The following RHOBTB3 variants were observed in gnomAD, a reference collection of about 807,000 sequenced individuals.
RHOBTB3 encodes the protein rho-related BTB domain-containing protein 3.
Under a neutral mutation model 67.2 loss-of-function variants are expected in RHOBTB3, and 47 were observed. That is an observed-to-expected ratio of 0.70 (90% confidence interval 0.55 to 0.89). RHOBTB3 has a LOEUF of 0.89. Among genes scored for constraint, RHOBTB3 ranks in the 40% least tolerant of loss-of-function variants. The pLI, the probability that RHOBTB3 is intolerant of heterozygous loss-of-function variation, is 0.00. For synonymous variants in RHOBTB3, 273 were observed against 274.2 expected (o/e 1.00, Z 0.04); for missense variants, 631 against 750.0 (o/e 0.84, Z 1.85).
intron 8 of RHOBTB3, among the ~76,000 whole-genome samples, chr5:95,770,977 G>A (rs564679528): frequency 6.6e-6 from 1 of 152,062 alleles, no homozygotes; most frequent in Admixed American, 6.5e-5. Flanking sequence ...GGGTGAAAGA[G>A]CCACGTACCC....
At chr5:95,725,268 AATG>A (rs1246044767) in intron 1 of RHOBTB3, among the ~76,000 whole-genome samples, 3 of 152,250 alleles carry the variant, frequency 2.0e-5, no homozygotes, top group Non-Finnish European at 4.4e-5. Context: ...GAATCTTACA[AATG>A]ATGATGAATA....
chr5:95,755,295 T>C (rs965893021), intron 5 of RHOBTB3, 101 bp from the exon 6 acceptor site: 5 of 863,066 alleles, frequency 5.8e-6, no homozygotes, highest in Non-Finnish European at 7.8e-6. Context: ...AACCTAATAA[T>C]ATTTTAAAAT....
At chr5:95,729,286 C>A (rs1213181984), upstream of RHOBTB3, among the ~76,000 whole-genome samples, 2 of 152,086 alleles carry the variant, frequency 1.3e-5, no homozygotes, top group Non-Finnish European at 2.9e-5. Flanking sequence ...TAACAAATTG[C>A]TTTAGCTTCT....
chr5:95,749,743 A>G (rs1435848097), intron 4 of RHOBTB3, among the ~76,000 whole-genome samples: 1 of 152,230 alleles, frequency 6.6e-6, no homozygotes, highest in Non-Finnish European at 1.5e-5. Flanking sequence ...TTCATTTGTC[A>G]GATAGTTTTA....
At chr5:95,779,742 C>T (rs150285555) in intron 8 of RHOBTB3, among the ~76,000 whole-genome samples, 1 of 152,174 alleles carries the variant, frequency 6.6e-6, no homozygotes, top group African/African-American at 2.4e-5. Flanking sequence ...CTTGGCTCCA[C>T]AAGAGATCCT....
chr5:95,753,850 C>G (rs767855001), intron 5 of RHOBTB3, among the ~76,000 whole-genome samples: 37 of 152,268 alleles, frequency 2.4e-4, no homozygotes, highest in Non-Finnish European at 3.8e-4. Flanking sequence ...TGGCTCATGC[C>G]TATAATTCCA....
chr5:95,725,289 C>T (rs1333420353), intron 1 of RHOBTB3, among the ~76,000 whole-genome samples: 1 of 152,226 alleles, frequency 6.6e-6, no homozygotes, highest in East Asian at 1.9e-4. Context: ...ATAAAAGAAT[C>T]AAGGCACAAA....
intron 6 of RHOBTB3, among the ~76,000 whole-genome samples, chr5:95,761,899 G>C (rs1021260450): frequency 1.3e-5 from 2 of 152,134 alleles, no homozygotes; most frequent in Non-Finnish European, 1.5e-5. Context: ...ACAATCCCAA[G>C]AATTTATGAG....
chr5:95,751,547 A>G (rs972471393), intron 4 of RHOBTB3: 2 of 151,920 alleles, frequency 1.3e-5, no homozygotes, highest in Non-Finnish European at 2.9e-5. Flanking sequence ...TGAAAAAAAA[A>G]CTTTTATTTT....
chr5:95,770,996 C>A (rs1449761036), intron 8 of RHOBTB3, among the ~76,000 whole-genome samples: 1 of 151,916 alleles, frequency 6.6e-6, no homozygotes, highest in African/African-American at 2.4e-5. Flanking sequence ...CCATGTACTG[C>A]TTTAAGCTTA....
At chr5:95,718,396 A>G (rs1475628342) in intron 1 of RHOBTB3, among the ~76,000 whole-genome samples, 1 of 152,224 alleles carries the variant, frequency 6.6e-6, no homozygotes, top group African/African-American at 2.4e-5. Context: ...TTGAATTTTG[A>G]CTGGAGGAAA....
At chr5:95,778,882 T>C (rs1286966077) in intron 8 of RHOBTB3, among the ~76,000 whole-genome samples, 5 of 152,058 alleles carry the variant, frequency 3.3e-5, no homozygotes, top group Admixed American at 1.3e-4. Flanking sequence ...AGGTGAGTGT[T>C]GACTGGGTGG....
chr5:95,747,153 G>A (rs565000837), intron 3 of RHOBTB3, among the ~76,000 whole-genome samples: 1 of 152,108 alleles, frequency 6.6e-6, no homozygotes, highest in East Asian at 1.9e-4. Context: ...TGCTCCAGGG[G>A]CTCAGCCCTT....
intron 3 of RHOBTB3, among the ~76,000 whole-genome samples, chr5:95,743,221 ACTT>A (rs1755650249): frequency 6.6e-6 from 1 of 152,176 alleles, no homozygotes; most frequent in Non-Finnish European, 1.5e-5. Flanking sequence ...TGGTATGGAT[ACTT>A]CTTAAACATT....
rs1746557073 is a variant in RHOBTB3, at chr5:95,796,288, A to T, written c.*3114A>T. 1.3e-5 allele frequency: 2 copies of T among 152,254 alleles called. No homozygotes were observed. Among genetic ancestry groups the T allele is most frequent in the South Asian group, 4.1e-4 (2 of 4,832 alleles). The allele number at this position is 152,254 out of a possible 1,614,324, so 9.4% of individuals were successfully genotyped here. A position where few individuals can be genotyped will look rare whatever the true frequency, so the allele number is the denominator to read the frequency against. ...GAAGGGTATGTGTGTATTTTAATAT[A>T]GCCTGACCTGAATTTATATGTTTTT... On this transcript the variant is annotated 3_prime_UTR_variant, in exon 12 of 12. Coordinates refer to ENST00000379982, the MANE Select transcript of RHOBTB3 (RefSeq NM_014899.4).
chr5:95,719,611 A>G (rs953186764), intron 1 of RHOBTB3: 4 of 152,212 alleles, frequency 2.6e-5, no homozygotes, highest in African/African-American at 9.6e-5. Flanking sequence ...ATAGTAAAAA[A>G]CATATATACA....
At chr5:95,792,365 C>T (rs1447845645) in intron 11 of RHOBTB3, among the ~76,000 whole-genome samples, 3 of 134,072 alleles carry the variant, frequency 2.2e-5, no homozygotes, top group East Asian at 2.1e-4. Context: ...CCAGCCTGGG[C>T]GACAGAGCAA....
At chr5:95,748,757 T>C (rs542728056) in intron 4 of RHOBTB3, among the ~76,000 whole-genome samples, 55 of 152,358 alleles carry the variant, frequency 3.6e-4, no homozygotes, top group African/African-American at 1.3e-3. Context: ...ATCAAAAGCA[T>C]GTTTACTTAA....
At chr5:95,728,032 G>A (rs1755108013), upstream of RHOBTB3, among the ~76,000 whole-genome samples, 1 of 152,224 alleles carries the variant, frequency 6.6e-6, no homozygotes, top group Non-Finnish European at 1.5e-5. Context: ...AGAGAATGGA[G>A]AGACACACTT....
Sources: allele counts gnomAD v4.1 joint callset (sites outside exome capture counted in the v4.1 genomes callset), GRCh38; gene constraint gnomAD v4.1.1; transcripts MANE v1.5; gene names NCBI Gene and HGNC (gene_info 2026-07-23, HGNC 2026-07-21).